The following ZNF343 variants were observed in gnomAD, a reference collection of about 807,000 sequenced individuals.
The protein encoded by ZNF343 is zinc finger protein 343.
In ZNF343, 11 loss-of-function variants were observed where a neutral mutation model predicts 13.8. The observed-to-expected ratio is 0.80, with a 90% CI of 0.50 to 1.32. The LOEUF (loss-of-function observed/expected upper bound fraction) is 1.32. Ranked by LOEUF, ZNF343 falls within the 40% of genes most tolerant of loss-of-function variation. The probability of loss-of-function intolerance (pLI) is 0.00; values close to 1 mark genes in which losing one functional copy is unlikely to be tolerated. For synonymous variants in ZNF343, 248 were observed against 260.0 expected (o/e 0.95, Z 0.44); for missense variants, 658 against 714.2 (o/e 0.92, Z 0.90).
chr20:2,497,471 G>A (rs2085479110), intron 2 of ZNF343, among the ~76,000 whole-genome samples: 1 of 152,218 alleles, frequency 6.6e-6, no homozygotes, highest in Admixed American at 6.5e-5. Flanking sequence ...AAGTGACAAG[G>A]TGTGTCAAGG....
Position 2,483,352 on chromosome 20 carries a change from T to C in ZNF343, c.1609A>G (p.Ile537Val). The change falls in exon 6 of 6, where the codon ATT becomes GTT. Residue 537 changes from isoleucine (I) to valine (V), a missense_variant. By Grantham distance (29) the Ile-to-Val change is conservative. Coordinates refer to ENST00000278772, the MANE Select transcript of ZNF343 (RefSeq NM_024325.6). ...GRGFCDKSTL[I>V]VHERTHSGEK... ...CCTGAGTGTGTCCTCTCATGTACAA[T>C]GAGGGTTGACTTGTCACAAAAGCCT... 6.2e-7 allele frequency: 1 copy of C among 1,611,518 alleles called. No individual in the cohort carries two copies. The highest frequency in any genetic ancestry group is 8.5e-7 in the Non-Finnish European group (1 of 1,179,532).
chr20:2,511,561 C>A (rs1316794664), upstream of ZNF343, among the ~76,000 whole-genome samples: 1 of 152,148 alleles, frequency 6.6e-6, no homozygotes, highest in Non-Finnish European at 1.5e-5. Context: ...TGAATAAAAT[C>A]TATGGAACAG....
In ZNF343 at chr20:2,483,965, T is replaced by C; in HGVS notation, c.996A>G (p.Gln332=). The C allele has an allele frequency of 6.2e-7, 1 of 1,614,160 alleles. No individual in the cohort carries two copies. Among genetic ancestry groups the C allele is most frequent in the Non-Finnish European group, 8.5e-7 (1 of 1,180,030 alleles). The change falls in exon 6 of 6, where the codon CAA becomes CAG. Residue 332 remains glutamine (Q), a synonymous_variant. Coordinates refer to ENST00000278772, the MANE Select transcript of ZNF343 (RefSeq NM_024325.6). ...EKPYLCRECG[Q]SFRSKSILNR... ...TGAGGATGGACTTACTTCTAAAGCT[T>C]TGCCCACACTCCCTGCACAAATAAG...
intron 5 of ZNF343, among the ~76,000 whole-genome samples, chr20:2,489,015 A>G (rs1221854818): frequency 6.6e-6 from 1 of 152,236 alleles, no homozygotes; most frequent in Non-Finnish European, 1.5e-5. Flanking sequence ...ACTGCACTCC[A>G]GCCTGGATGA....
Position 2,493,923 on chromosome 20 carries a change from T to C in ZNF343, c.-28A>G, listed in dbSNP as rs6114553. On this transcript the variant is annotated 5_prime_UTR_variant, in exon 3 of 6. Transcript: ENST00000278772. Reference sequence around the variant, plus strand: ...CGCCAGAGTCAGCCCAGTGTGTGCCTTGAAATTCTGCCAGAGGTCCAGGTA... The same window carrying C: ...CGCCAGAGTCAGCCCAGTGTGTGCCCTGAAATTCTGCCAGAGGTCCAGGTA... 6,176 of 1,490,618 alleles carry C rather than the reference T, an allele frequency of 4.1e-3. 189 individuals are homozygous for C. The African/African-American group carries it at 0.071, about 17-fold the overall frequency. The allele number at this position is 1,490,618 out of a possible 1,614,324, so 92.3% of individuals were successfully genotyped here. A position where few individuals can be genotyped will look rare whatever the true frequency, so the allele number is the denominator to read the frequency against.
Position 2,484,362 on chromosome 20 carries a change from T to G in ZNF343, c.599A>C (p.Gln200Pro), listed in dbSNP as rs751610856. 4 of 1,614,258 alleles carry G rather than the reference T, an allele frequency of 2.5e-6. No individual in the cohort carries two copies. The East Asian group carries it at 8.9e-5, about 36-fold the overall frequency. Residue 200 changes from glutamine (Q) to proline (P), a missense_variant, in exon 6 of 6, where the codon CAG becomes CCG. Coordinates refer to ENST00000278772, the MANE Select transcript of ZNF343 (RefSeq NM_024325.6). ...SRAFPSPLQR[Q>P]SASPRKGNMV... is the part of the protein sequence containing the mutation. ...GTTGCCTTTTCTAGGACTTGCTGAC[T>G]GTCTTTGGAGTGGGCTGGGGAATGC...
chr20:2,515,280 G>T (rs933497777), intron 1 of ZNF343, among the ~76,000 whole-genome samples: 3 of 143,346 alleles, frequency 2.1e-5, no homozygotes, highest in Non-Finnish European at 3.0e-5. Context: ...TTGTGAAAAT[G>T]AGTTCTGAAT....
intron 4 of ZNF343, 97 bp downstream of exon 4, chr20:2,493,422 G>T: frequency 1.7e-6 from 2 of 1,182,836 alleles, no homozygotes; most frequent in South Asian, 1.2e-5. Context: ...CCCAGATGTT[G>T]ACCGCCTTTT....
chr20:2,503,809 A>G (rs900072891), intron 1 of ZNF343, among the ~76,000 whole-genome samples: 1 of 152,240 alleles, frequency 6.6e-6, no homozygotes, highest in African/African-American at 2.4e-5. Flanking sequence ...CATTCAAAGC[A>G]GTGTGTAGAG....
intron 1 of ZNF343, among the ~76,000 whole-genome samples, chr20:2,516,694 G>C (rs551414941): frequency 8.0e-4 from 122 of 152,132 alleles, no homozygotes; most frequent in African/African-American, 2.7e-3. Flanking sequence ...GTGAGGTCTA[G>C]CTGAGGATGA....
At chr20:2,521,385 T>G (rs2085781675) in intron 1 of ZNF343, among the ~76,000 whole-genome samples, 2 of 152,090 alleles carry the variant, frequency 1.3e-5, no homozygotes, top group Non-Finnish European at 2.9e-5. Flanking sequence ...GACTCAGCAT[T>G]GGGAAGAATA....
At chr20:2,497,005 G>A (rs531190746) in intron 2 of ZNF343, among the ~76,000 whole-genome samples, 129 of 152,138 alleles carry the variant, frequency 8.5e-4, no homozygotes, top group African/African-American at 2.8e-3. Flanking sequence ...GCTTGAACCC[G>A]GGAGACAGAG....
chr20:2,507,436 C>T (rs990247248), intron 1 of ZNF343, among the ~76,000 whole-genome samples: 1 of 152,118 alleles, frequency 6.6e-6, no homozygotes, highest in African/African-American at 2.4e-5. Flanking sequence ...CCTTTAATGC[C>T]TATGGGCCTC....
At chr20:2,502,710 C>G (rs549398530) in intron 1 of ZNF343, among the ~76,000 whole-genome samples, 3 of 152,150 alleles carry the variant, frequency 2.0e-5, no homozygotes, top group Non-Finnish European at 4.4e-5. Context: ...TCCAGCCAAA[C>G]TAAGCTTCGT....
intron 4 of ZNF343, 120 bp downstream of exon 4, chr20:2,493,399 C>T (rs1028951635): frequency 3.3e-6 from 3 of 904,568 alleles, no homozygotes; most frequent in African/African-American, 3.3e-5. Context: ...AAGCCTAATG[C>T]TTCACTCATC....
chr20:2,488,574 A>T lies in ZNF343; in HGVS notation c.305-3918T>A, dbSNP rs190816368. Among the ~76,000 whole-genome samples, 1,009 of 152,150 alleles carry T rather than the reference A, an allele frequency of 6.6e-3. 6 individuals carry two copies. Among genetic ancestry groups the T allele is most frequent in the South Asian group, 0.026 (126 of 4,820 alleles). On this transcript the variant is annotated intron_variant, in intron 5 of 5. Transcript: ENST00000278772. The stretch of plus-strand genomic sequence containing the variant: ...TTCTAAAGGTTTTGTAGCATATTTT[A>T]GTGTCTGATAAGGATAGTACCCTGT...
intron 2 of ZNF343, among the ~76,000 whole-genome samples, chr20:2,498,985 G>T (rs959928676): frequency 1.3e-5 from 2 of 152,134 alleles, no homozygotes; most frequent in Non-Finnish European, 2.9e-5. Context: ...GACCACAGGT[G>T]TGCAGCACCA....
rs2085190993 is a variant in ZNF343, at chr20:2,482,976, T to C, written c.*185A>G. On this transcript the variant is annotated 3_prime_UTR_variant, in exon 6 of 6. Transcript: ENST00000278772. Reference sequence around the variant, plus strand: ...GATGGCTACAGTTGCCCGTACTCTATACTCATAAGGCTCCTCTCCTGAACG... The same window carrying C: ...GATGGCTACAGTTGCCCGTACTCTACACTCATAAGGCTCCTCTCCTGAACG... 1 of 689,960 alleles carries C rather than the reference T, an allele frequency of 1.4e-6. No individual in the cohort carries two copies. Among genetic ancestry groups the C allele is most frequent in the East Asian group, 2.7e-5 (1 of 36,648 alleles). The allele number at this position is 689,960 out of a possible 1,614,324, so 42.7% of individuals were successfully genotyped here.
intron 2 of ZNF343, among the ~76,000 whole-genome samples, chr20:2,497,219 A>C (rs898544688): frequency 1.3e-5 from 2 of 152,218 alleles, no homozygotes; most frequent in Non-Finnish European, 2.9e-5. Flanking sequence ...CAAGTAGGCA[A>C]TTAGTCATCC....
Sources: gnomAD v4.1 joint callset for allele counts (sites outside exome capture counted in the v4.1 genomes callset) on GRCh38, gnomAD v4.1.1 for gene constraint, MANE v1.5 for transcripts, NCBI Gene and HGNC (gene_info 2026-07-23, HGNC 2026-07-21) for gene names.